Variants in BEST2 observed in about 807,000 individuals in gnomAD.
The protein encoded by BEST2 is bestrophin 2.
In BEST2, 36 loss-of-function variants were observed where a neutral mutation model predicts 49.0. The observed-to-expected ratio is 0.73, with a 90% CI of 0.56 to 0.97. The LOEUF is 0.97. Ranked by LOEUF, BEST2 falls within the 50% of genes least tolerant of loss-of-function variation. The probability of loss-of-function intolerance (pLI) is 0.00; values close to 1 mark genes in which losing one functional copy is unlikely to be tolerated. For synonymous variants in BEST2, 335 were observed against 304.4 expected, an observed-to-expected ratio of 1.10 and a Z score of -1.05; for missense variants, 672 against 710.0, an observed-to-expected ratio of 0.95 and a Z score of 0.61.
intron 3 of BEST2, 83 bp from the exon 4 acceptor site, chr19:12,754,469 G>C (rs1209347881): frequency 7.6e-6 from 9 of 1,186,418 alleles, no homozygotes; most frequent in African/African-American, 1.6e-5. Flanking sequence ...CAGACCTTAC[G>C]TTGCCCCCTC....
chr19:12,758,092 GC>G lies in BEST2; in HGVS notation c.*20del, dbSNP rs1244989868. On this transcript the variant is annotated 3_prime_UTR_variant, in exon 10 of 10. Transcript: ENST00000553030. ...ATCTGGCCTGAGATCTTAGAGCCCA[GC>G]CCCCTAAGGACAGGGAACCAGGTCC... 4 of 1,610,806 alleles carry G rather than the reference GC, an allele frequency of 2.5e-6. No individual in the cohort carries two copies. The highest frequency in any genetic ancestry group is 1.7e-5 in the Admixed American group (1 of 59,614).
Position 12,755,558 on chromosome 19 carries a change from C to G in BEST2, c.715-57C>G. On this transcript the variant is annotated intron_variant, in intron 6 of 9. Transcript: ENST00000553030. The surrounding 1 kb of genome is among the most constrained non-coding windows in gnomAD (Gnocchi z 4.4). ...AGCTAAGACCCCCATCATAATGATG[C>G]CTAATCCTAGCCTTGGACCCCAATG... The G allele has an allele frequency of 6.2e-7, 1 of 1,608,702 alleles. No individual in the cohort carries two copies. The highest frequency in any genetic ancestry group is 8.5e-7 in the Non-Finnish European group (1 of 1,175,926).
In BEST2 at chr19:12,754,741, C is replaced by T. The variant is rs1200886719; in HGVS notation, c.437C>T (p.Ala146Val). ...CTCATCCTGCGCTCCGTCAGCACCG[C>T]GGTGTTCAAGCGCTTCCCCACCATA... ...AVLILRSVSTAVFKRFPTIDH... is the reference protein window; with the variant it reads ...AVLILRSVSTVVFKRFPTIDH... The change falls in exon 4 of 10, where the codon GCG (alanine) becomes GTG (valine). Residue 146 changes from alanine to valine, a missense_variant. Physicochemically the swap from Ala to Val is moderately conservative, Grantham distance 64. Coordinates refer to ENST00000553030, the MANE Select transcript of BEST2 (RefSeq NM_017682.3). The T allele has an allele frequency of 6.3e-7, 1 of 1,592,028 alleles. No homozygotes were observed. The highest frequency in any genetic ancestry group is 8.6e-7 in the Non-Finnish European group (1 of 1,169,190).
rs114701791 is a variant in BEST2 at position 12,755,028 on chromosome 19, C to T, written c.633C>T (p.Leu211=). 2,488 of 1,597,918 alleles carry T rather than the reference C, an allele frequency of 1.6e-3. 43 individuals carry two copies. In the African/African-American group the frequency reaches 0.03, roughly 19 times the overall value. ...IRDNSALKLL[L]EELNVFRGKC... is the part of the protein sequence containing the mutation. Reference sequence around the variant, plus strand: ...ACAACAGCGCCCTTAAGCTGCTGCTCGAGGTGGGCCCAACCAGGAGGTCAT... The same window carrying T: ...ACAACAGCGCCCTTAAGCTGCTGCTTGAGGTGGGCCCAACCAGGAGGTCAT... The change falls in exon 5 of 10, where the codon CTC becomes CTT. Residue 211 remains leucine, a synonymous_variant. Coordinates refer to ENST00000553030, the MANE Select transcript of BEST2 (RefSeq NM_017682.3). This position sits in a 1 kb window ranked among gnomAD's most constrained non-coding sequence, Gnocchi z 4.4.
In BEST2 at chr19:12,752,538, G is replaced by A. The variant is rs1055580604; in HGVS notation, c.-51-4G>A. 2.9e-5 allele frequency: 46 copies of A among 1,581,426 alleles called. No individual in the cohort carries two copies. The highest frequency in any genetic ancestry group is 1.1e-4 in the South Asian group (10 of 89,740). ...TCCCCGCACCTCTCCACCCACACCCGCAGCCCCCACCCGGGCCACCCACTC... is the reference window on the plus strand; with the variant it reads ...TCCCCGCACCTCTCCACCCACACCCACAGCCCCCACCCGGGCCACCCACTC... On this transcript the variant is annotated splice_polypyrimidine_tract_variant and splice_region_variant and intron_variant, in intron 1 of 9. Transcript: ENST00000553030.
Position 12,755,599 on chromosome 19 carries a change from G to A in BEST2, c.715-16G>A. 3 of 1,611,212 alleles carry A rather than the reference G, an allele frequency of 1.9e-6. No individual in the cohort carries two copies. The highest frequency in any genetic ancestry group is 1.7e-6 in the Non-Finnish European group (2 of 1,178,256). On this transcript the variant is annotated splice_polypyrimidine_tract_variant and intron_variant, in intron 6 of 9. Transcript: ENST00000553030. This position sits in a 1 kb window ranked among gnomAD's most constrained non-coding sequence, Gnocchi z 4.4. ...GACCCCAATGACCCCCCTGAGCCCT[G>A]CCCCGCCCTGCCCAGGTGGTGACCA... is the stretch of plus-strand genomic sequence containing the variant.
In BEST2 at chr19:12,753,240, C is replaced by G; in HGVS notation, c.153-20C>G. On this transcript the variant is annotated intron_variant, in intron 2 of 9. Transcript: ENST00000553030. ...TGGAGTCACCCTTGTGACCTGTGAC[C>G]CCTCATCTCTATCCCGCAGCTTTGT... 2 of 1,612,310 alleles carry G rather than the reference C, an allele frequency of 1.2e-6. No homozygotes were observed. Among genetic ancestry groups the G allele is most frequent in the South Asian group, 2.2e-5 (2 of 91,030 alleles).
Position 12,755,382 on chromosome 19 carries a change from C to G in BEST2, c.640C>G (p.Leu214Val). 1 of 1,614,128 alleles carries G rather than the reference C, an allele frequency of 6.2e-7. No homozygotes were observed. The highest frequency in any genetic ancestry group is 1.1e-5 in the South Asian group (1 of 91,086). Reference sequence around the variant, plus strand: ...CATGACCTGTATCCACCCCCAGGAGCTGAATGTTTTTCGGGGCAAATGTGG... The same window carrying G: ...CATGACCTGTATCCACCCCCAGGAGGTGAATGTTTTTCGGGGCAAATGTGG... ...NSALKLLLEE[L>V]NVFRGKCGML... Residue 214 changes from leucine to valine, a missense_variant, in exon 6 of 10, where the codon CTG becomes GTG. Around this residue, in one of 3 missense-constraint regions of BEST2, gnomAD observed 365 missense variants for 390.9 expected, o/e 0.93. Coordinates refer to ENST00000553030, the MANE Select transcript of BEST2 (RefSeq NM_017682.3). This position sits in a 1 kb window ranked among gnomAD's most constrained non-coding sequence, Gnocchi z 4.4.
intron 9 of BEST2, 135 bp downstream of exon 9, chr19:12,756,430 C>A: frequency 8.0e-7 from 1 of 1,254,464 alleles, no homozygotes; most frequent in Non-Finnish European, 1.1e-6. Context: ...GTGATAACGC[C>A]AGAAGCTAAG....
At position 12,755,340 on chromosome 19, in the gene BEST2, C is replaced by T. The variant is rs1253561868; in HGVS notation, c.637-39C>T. ...TACACTTAATATCCCTGTGTGAGCT[C>T]ACCATTCAGGCCTCCTCATGACCTG... On this transcript the variant is annotated intron_variant, in intron 5 of 9. Coordinates refer to ENST00000553030, the MANE Select transcript of BEST2 (RefSeq NM_017682.3). The surrounding 1 kb of genome is among the most constrained non-coding windows in gnomAD (Gnocchi z 4.4). The T allele has an allele frequency of 1.3e-6, 2 of 1,597,854 alleles. No homozygotes were observed. The highest frequency in any genetic ancestry group is 8.6e-7 in the Non-Finnish European group (1 of 1,165,194).
Position 12,754,541 on chromosome 19 carries a change from C to T in BEST2, c.248-11C>T. On this transcript the variant is annotated splice_polypyrimidine_tract_variant and intron_variant, in intron 3 of 9. Transcript: ENST00000553030. ...GTCCCCACTGAGCCCCCATTCCCCG[C>T]TCCCCTGCAGGCTTTTATGTGACGC... is the stretch of plus-strand genomic sequence containing the variant. 1 of 1,485,294 alleles carries T rather than the reference C, an allele frequency of 6.7e-7. No individual in the cohort carries two copies. Among genetic ancestry groups the T allele is most frequent in the Non-Finnish European group, 9.0e-7 (1 of 1,109,000 alleles). 92.0% of individuals were successfully genotyped at this position (1,485,294 alleles called of 1,614,324 possible).
intron 3 of BEST2, 47 bp from the exon 4 acceptor site, chr19:12,754,505 C>CT: frequency 7.1e-7 from 1 of 1,417,384 alleles, no homozygotes; most frequent in Non-Finnish European, 9.4e-7. Context: ...CCCCAAACCC[C>CT]TGGCCCTGGT....
Position 12,758,333 on chromosome 19 carries a change from A to T in BEST2, c.*256A>T. The T allele has an allele frequency of 3.7e-6, 2 of 534,218 alleles. No individual in the cohort carries two copies. Among genetic ancestry groups the T allele is most frequent in the East Asian group, 6.6e-5 (2 of 30,436 alleles). 33.1% of individuals were successfully genotyped at this position (534,218 alleles called of 1,614,324 possible). A position where few individuals can be genotyped will look rare whatever the true frequency, so the allele number is the denominator to read the frequency against. Reference sequence around the variant, plus strand: ...GAGGTCTCTATCAGTGTCCTGCCTGAATTCTTTCCTTCAAGTGAAGATGTG... The same window carrying T: ...GAGGTCTCTATCAGTGTCCTGCCTGTATTCTTTCCTTCAAGTGAAGATGTG... On this transcript the variant is annotated 3_prime_UTR_variant, in exon 10 of 10. Coordinates refer to ENST00000553030, the MANE Select transcript of BEST2 (RefSeq NM_017682.3).
chr19:12,752,300 C>A (rs578146631), intron 1 of BEST2, among the ~76,000 whole-genome samples: 12 of 151,394 alleles, frequency 7.9e-5, no homozygotes, highest in African/African-American at 2.9e-4. Context: ...GAGCTGACTG[C>A]AGGGACTCAA....
Position 12,757,939 on chromosome 19 carries a change from C to G in BEST2, c.1392C>G (p.Pro464=). 6.3e-7 allele frequency: 1 copy of G among 1,584,676 alleles called. No homozygotes were observed. Among genetic ancestry groups the G allele is most frequent in the Non-Finnish European group, 8.6e-7 (1 of 1,167,656 alleles). The stretch of plus-strand genomic sequence containing the variant: ...GCCTGCCGGAGCCCGAGGCCCCGCC[C>G]CCTGCGGGTCCCGAACCGCTTACCC... ...DPGLPEPEAP[P]PAGPEPLTLI... The change falls in exon 10 of 10, where the codon CCC becomes CCG. Residue 464 remains proline, a synonymous_variant. Transcript: ENST00000553030.
rs1967882322 is a variant in BEST2 at position 12,752,617 on chromosome 19, G to T, written c.25G>T (p.Val9Leu). The change falls in exon 2 of 10, where the codon GTG (valine) becomes TTG (leucine). Residue 9 changes from valine (V) to leucine (L), a missense_variant. This residue lies in a region of BEST2 where 365 missense variants were observed against 390.9 expected (regional missense o/e 0.93). Coordinates refer to ENST00000553030, the MANE Select transcript of BEST2 (RefSeq NM_017682.3). ...GATGACCGTCACCTACACAGCCCGAGTGGCGAACGCCCGCTTCGGTGGCTT... is the reference window on the plus strand; with the variant it reads ...GATGACCGTCACCTACACAGCCCGATTGGCGAACGCCCGCTTCGGTGGCTT... MTVTYTAR[V>L]ANARFGGFSQ... The T allele has an allele frequency of 3.7e-6, 6 of 1,612,108 alleles. No individual in the cohort carries two copies. The highest frequency in any genetic ancestry group is 3.3e-5 in the Admixed American group (2 of 59,964).
Position 12,754,818 on chromosome 19 carries a change from G to A in BEST2, c.481+33G>A, listed in dbSNP as rs573418126. On this transcript the variant is annotated intron_variant, in intron 4 of 9. Transcript: ENST00000553030. ...CTCGGCCAGAGGCAGGGCAGAGACCGGGCAAGGACCAGGTGGAGGGGGGCA... is the reference window on the plus strand; with the variant it reads ...CTCGGCCAGAGGCAGGGCAGAGACCAGGCAAGGACCAGGTGGAGGGGGGCA... 4.2e-5 allele frequency: 66 copies of A among 1,582,894 alleles called. No homozygotes were observed. In the East Asian group the frequency reaches 1.1e-3, roughly 26 times the overall value.
Position 12,754,628 on chromosome 19 carries a change from C to T in BEST2, c.324C>T (p.Cys108=), listed in dbSNP as rs747539648. The change falls in exon 4 of 10, where the codon TGC becomes TGT. Residue 108 remains cysteine (C), a synonymous_variant. Transcript: ENST00000553030. The part of the protein sequence containing the change: ...LCMPLPDALM[C]VVAGTVHGRD... Reference sequence around the variant, plus strand: ...TGCCGCTGCCCGACGCGCTCATGTGCGTGGTGGCGGGCACCGTGCACGGAC... The same window carrying T: ...TGCCGCTGCCCGACGCGCTCATGTGTGTGGTGGCGGGCACCGTGCACGGAC... The T allele has an allele frequency of 2.6e-6, 4 of 1,562,836 alleles. No individual in the cohort carries two copies. Among genetic ancestry groups the T allele is most frequent in the Admixed American group, 1.9e-5 (1 of 53,340 alleles).
chr19:12,754,062 CTTTTTTTTTTTTTT>C (rs36076549), intron 3 of BEST2, among the ~76,000 whole-genome samples: 44 of 54,458 alleles, frequency 8.1e-4, no homozygotes, highest in South Asian at 4.9e-3. Context: ...GCTGCTCTGC[CTTTTTTTTTTTTTT>C]TTTTTTTTTT....
Sources: allele counts gnomAD v4.1 joint callset (sites outside exome capture counted in the v4.1 genomes callset), GRCh38; gene constraint gnomAD v4.1.1; regional missense constraint gnomAD v4.1.1; non-coding constraint Gnocchi (gnomAD v3.1); transcripts MANE v1.5; gene names NCBI Gene and HGNC (gene_info 2026-07-23, HGNC 2026-07-21).